ITGB7: variants seen among roughly 807,000 people sequenced by gnomAD.
ITGB7 encodes the protein integrin beta-7.
Under a neutral mutation model 83.4 loss-of-function variants are expected in ITGB7, and 55 were observed. The observed-to-expected ratio is 0.66, with a 90% CI of 0.53 to 0.83. ITGB7 has a LOEUF of 0.83. ITGB7 is among the 40% of genes least tolerant of loss of function. The probability of loss-of-function intolerance (pLI) is 0.00; values close to 1 mark genes in which losing one functional copy is unlikely to be tolerated. For synonymous variants in ITGB7, 454 were observed against 423.6 expected, an observed-to-expected ratio of 1.07 and a Z score of -0.88; for missense variants, 921 against 1,046.7, an observed-to-expected ratio of 0.88 and a Z score of 1.66.
In ITGB7 at chr12:53,196,194, C is replaced by T. The variant is rs1942154768; in HGVS notation, c.822G>A (p.Gln274=). 6.2e-7 allele frequency: 1 copy of T among 1,614,048 alleles called. No individual in the cohort carries two copies. Among genetic ancestry groups the T allele is most frequent in the African/African-American group, 1.3e-5 (1 of 75,052 alleles). The change falls in exon 7 of 16, where the codon CAG becomes CAA. Residue 274 remains glutamine (Q), a synonymous_variant. Transcript: ENST00000267082. The part of the protein sequence containing the change: ...AILQAALCQE[Q]IGWRNVSRLL... ...GCCGGGACACATTTCTCCAGCCAAT[C>T]TGCTCCTGAGTTACAGTGGGGGTGG...
intron 2 of ITGB7, 135 bp from the exon 3 acceptor site, chr12:53,200,581 C>T: frequency 1.4e-6 from 1 of 711,568 alleles, no homozygotes; most frequent in East Asian, 2.7e-5. Context: ...AGTTTCACTT[C>T]CCCTGTGGAT....
intron 5 of ITGB7, 194 bp from the exon 6 acceptor site, chr12:53,197,014 A>G (rs1942185558): frequency 1.6e-6 from 1 of 626,394 alleles, no homozygotes; most frequent in South Asian, 2.1e-5. Context: ...AGAAGACATT[A>G]AGAGGAGGAC....
intron 1 of ITGB7, 144 bp from the exon 2 acceptor site, chr12:53,201,338 A>C (rs1942317618): frequency 6.6e-6 from 1 of 152,276 alleles, no homozygotes; most frequent in Admixed American, 6.5e-5. Flanking sequence ...GAAAGAGTCA[A>C]GGAAGAATAG....
chr12:53,196,369 T>G, intron 6 of ITGB7, 170 bp from the exon 7 acceptor site: 1 of 989,652 alleles, frequency 1.0e-6, no homozygotes, highest in Non-Finnish European at 1.5e-6. Flanking sequence ...TAAAGAAGGC[T>G]GCTGCTAGTG....
chr12:53,196,367 G>C, intron 6 of ITGB7, 168 bp from the exon 7 acceptor site: 1 of 994,674 alleles, frequency 1.0e-6, no homozygotes, highest in South Asian at 1.7e-5. Context: ...CCTAAAGAAG[G>C]CTGCTGCTAG....
intron 3 of ITGB7, among the ~76,000 whole-genome samples, chr12:53,198,238 T>A (rs975855078): frequency 3.9e-5 from 6 of 152,212 alleles, no homozygotes; most frequent in African/African-American, 1.4e-4. Context: ...CAAGTGATTC[T>A]CGTACCTCAG....
chr12:53,193,983 C>G, intron 10 of ITGB7, 82 bp from the exon 11 acceptor site: 3 of 1,396,494 alleles, frequency 2.1e-6, no homozygotes, highest in Non-Finnish European at 3.0e-6. Context: ...CAGAACCTCA[C>G]CCCTTAGTAA....
intron 10 of ITGB7, 120 bp downstream of exon 10, chr12:53,194,078 G>T: frequency 6.9e-7 from 1 of 1,448,108 alleles, no homozygotes; most frequent in South Asian, 1.3e-5. Context: ...AGGATGGATG[G>T]AGGACTACCT....
chr12:53,202,105 T>C (rs1405136950), intron 1 of ITGB7, among the ~76,000 whole-genome samples: 1 of 152,158 alleles, frequency 6.6e-6, no homozygotes, highest in Non-Finnish European at 1.5e-5. Flanking sequence ...ATGCCTGTAA[T>C]CCCAGCACTT....
chr12:53,199,664 G>C (rs1942275455), intron 3 of ITGB7, among the ~76,000 whole-genome samples: 1 of 151,910 alleles, frequency 6.6e-6, no homozygotes, highest in East Asian at 1.9e-4. Context: ...CAAGAAGAGA[G>C]GCAGTTCCCA....
chr12:53,195,507 G>A, intron 8 of ITGB7, 44 bp from the exon 9 acceptor site: 1 of 1,560,232 alleles, frequency 6.4e-7, no homozygotes, highest in South Asian at 1.1e-5. Flanking sequence ...CACAGCTCTA[G>A]GAAAATGGGC....
chr12:53,194,271 C>T lies in ITGB7; in HGVS notation c.1235G>A (p.Cys412Tyr). The T allele has an allele frequency of 6.2e-7, 1 of 1,614,006 alleles. No homozygotes were observed. The highest frequency in any genetic ancestry group is 8.5e-7 in the Non-Finnish European group (1 of 1,179,968). Reference sequence around the variant, plus strand: ...ACCCTCCCTCTTCTCAGGACCCTCACACTGGGATTCGTAAGAAATGTGGAC... The same window carrying T: ...ACCCTCCCTCTTCTCAGGACCCTCATACTGGGATTCGTAAGAAATGTGGAC... ...PGVHISYESQ[C>Y]EGPEKREGKA... Residue 412 changes from cysteine (C) to tyrosine (Y), a missense_variant, in exon 10 of 16, where the codon TGT (cysteine) becomes TAT (tyrosine). Coordinates refer to ENST00000267082, the MANE Select transcript of ITGB7 (RefSeq NM_000889.3).
Position 53,196,074 on chromosome 12 carries a change from G to A in ITGB7, c.942C>T (p.Asp314=). The change falls in exon 7 of 16, where the codon GAC becomes GAT. Residue 314 remains aspartate (D), a synonymous_variant. Coordinates refer to ENST00000267082, the MANE Select transcript of ITGB7 (RefSeq NM_000889.3). ...FMPSDGHCHL[D]SNGLYSRSTE... ...TGCTGCGACTGTAGAGGCCATTGCT[G>A]TCCAAGTGGCAGTGCCCATCACTGG... 6.2e-7 allele frequency: 1 copy of A among 1,614,178 alleles called. No individual in the cohort carries two copies. Among genetic ancestry groups the A allele is most frequent in the Non-Finnish European group, 8.5e-7 (1 of 1,180,008 alleles).
In ITGB7 at chr12:53,193,768, G is replaced by A. The variant is rs1164112050; in HGVS notation, c.1442C>T (p.Thr481Ile). 1.2e-6 allele frequency: 2 copies of A among 1,614,072 alleles called. No individual in the cohort carries two copies. Among genetic ancestry groups the A allele is most frequent in the South Asian group, 1.1e-5 (1 of 91,080 alleles). ...HTLCDCNCSD[T>I]QPQAPHCSDG... ...ACTGCAGTGGGGAGCCTGGGGCTGG[G>A]TGTCACTGCAATTACAGTCACACAG... Residue 481 changes from threonine (T) to isoleucine (I), a missense_variant, in exon 11 of 16, where the codon ACC becomes ATC. Coordinates refer to ENST00000267082, the MANE Select transcript of ITGB7 (RefSeq NM_000889.3).
Position 53,191,980 on chromosome 12 carries a change from A to G in ITGB7, c.2195T>C (p.Val732Ala). The change falls in exon 15 of 16, where the codon GTA (valine) becomes GCA (alanine). Residue 732 changes from valine to alanine, a missense_variant. Physicochemically the swap from Val to Ala is moderately conservative, Grantham distance 64 (BLOSUM62 0). Transcript: ENST00000267082. Reference sequence around the variant, plus strand: ...CAGCCCCACTGCCACGATGCCCCCTACGCAGCCCAGCACAATGGCCTGCGT... The same window carrying G: ...CAGCCCCACTGCCACGATGCCCCCTGCGCAGCCCAGCACAATGGCCTGCGT... ...DHTQAIVLGC[V>A]GGIVAVGLGL... The G allele has an allele frequency of 6.2e-7, 1 of 1,612,370 alleles. No individual in the cohort carries two copies. Among genetic ancestry groups the G allele is most frequent in the Non-Finnish European group, 8.5e-7 (1 of 1,179,898 alleles).
intron 3 of ITGB7, 41 bp from the exon 4 acceptor site, chr12:53,197,992 T>C (rs1442187380): frequency 6.7e-7 from 1 of 1,498,990 alleles, no homozygotes; most frequent in Non-Finnish European, 8.9e-7. Flanking sequence ...CGGTCCTGCA[T>C]AGGCCCTGGG....
intron 5 of ITGB7, chr12:53,197,258 C>G: frequency 1.6e-6 from 1 of 614,410 alleles, no homozygotes; most frequent in African/African-American, 1.8e-5. Flanking sequence ...AGCACAGTCT[C>G]TCCAGACGCT....
intron 1 of ITGB7, among the ~76,000 whole-genome samples, chr12:53,205,990 G>A (rs534091288): frequency 4.6e-5 from 7 of 152,136 alleles, no homozygotes; most frequent in East Asian, 1.9e-4. Flanking sequence ...ACCCAAAGCC[G>A]GGTTTTGACT....
Position 53,200,445 on chromosome 12 carries a change from C to A in ITGB7, c.-2G>T. On this transcript the variant is annotated splice_region_variant and 5_prime_UTR_variant, in exon 3 of 16. Coordinates refer to ENST00000267082, the MANE Select transcript of ITGB7 (RefSeq NM_000889.3). ...AAGGACCATTGGCAAAGCCACCATG[C>A]CCTGTAATAGGATATAAAGGGGGAC... 3.7e-6 allele frequency: 6 copies of A among 1,613,980 alleles called. No individual in the cohort carries two copies. In the South Asian group the frequency reaches 5.5e-5, roughly 15 times the overall value.
Sources: gnomAD v4.1 joint callset for allele counts (sites outside exome capture counted in the v4.1 genomes callset) on GRCh38, gnomAD v4.1.1 for gene constraint, MANE v1.5 for transcripts, NCBI Gene and HGNC (gene_info 2026-07-23, HGNC 2026-07-21) for gene names.